MECOM: variants seen among roughly 807,000 people sequenced by gnomAD.
The protein encoded by MECOM is MDS1 and EVI1 complex locus, also known as histone-lysine N-methyltransferase MECOM.
In MECOM, 13 loss-of-function variants were observed where a neutral mutation model predicts 116.3. The ratio of observed to expected loss-of-function variants is 0.11; its 90% CI spans 0.07 to 0.18. The LOEUF (loss-of-function observed/expected upper bound fraction) is 0.18, where lower values mean the gene tolerates loss of function less well. MECOM is among the 10% of genes least tolerant of loss of function. The pLI is 1.00. For missense variants in MECOM, 1,299 were observed against 1,509.0 expected (o/e 0.86, Z 2.31); for synonymous variants, 528 against 535.2 (o/e 0.99, Z 0.19).
At chr3:169,330,574 A>G (rs1405043445) in intron 2 of MECOM, among the ~76,000 whole-genome samples, 1 of 152,188 alleles carries the variant, frequency 6.6e-6, no homozygotes, top group Non-Finnish European at 1.5e-5. Flanking sequence ...TAAACTGATG[A>G]TAGATTATAG....
At chr3:169,425,100 C>CA (rs34869416) in intron 1 of MECOM, among the ~76,000 whole-genome samples, 1 of 34,540 alleles carries the variant, frequency 2.9e-5, no homozygotes, top group Non-Finnish European at 6.1e-5. Flanking sequence ...TTTGCAGAAA[C>CA]CCCCCCCCAC....
At position 169,112,849 on chromosome 3, in the gene MECOM, G is replaced by T; in HGVS notation, c.2515C>A (p.Pro839Thr). ...TATTTCTCTTTTAAAGCTTCAAGTG[G>T]GTCAGTTAGTTTTCTTTTCTCTACT... The part of the protein sequence containing the change: ...YRVEKRKLTD[P>T]LEALKEKYLR... The change falls in exon 9 of 17, where the codon CCA becomes ACA. Residue 839 changes from proline to threonine, a missense_variant. Pro to Thr is a conservative substitution (Grantham distance 38). Coordinates refer to ENST00000651503, the MANE Select transcript of MECOM (RefSeq NM_004991.4). The T allele has an allele frequency of 6.2e-7, 1 of 1,612,460 alleles. No individual in the cohort carries two copies. The highest frequency in any genetic ancestry group is 8.5e-7 in the Non-Finnish European group (1 of 1,179,096).
rs1300544410 is a variant in MECOM, at chr3:169,133,771, T to A, written c.511-2240A>T. The A allele has an allele frequency of 1.2e-5, 5 of 414,704 alleles. No individual in the cohort carries two copies. In the East Asian group the frequency reaches 2.8e-4, roughly 24 times the overall value. 25.7% of individuals were successfully genotyped at this position (414,704 alleles called of 1,614,324 possible). ...ACAGTTCTTTTTAAAGATTACCAGA[T>A]TTAAAATAATAATAAAATAATGTGT... is the stretch of plus-strand genomic sequence containing the variant. On this transcript the variant is annotated intron_variant, in intron 3 of 16. Coordinates refer to ENST00000651503, the MANE Select transcript of MECOM (RefSeq NM_004991.4).
rs1723772441 is a variant in MECOM at position 169,102,136 on chromosome 3, T to C, written c.2695A>G (p.Met899Val). 3.7e-6 allele frequency: 6 copies of C among 1,613,808 alleles called. No homozygotes were observed. The highest frequency in any genetic ancestry group is 1.1e-5 in the South Asian group (1 of 91,080). ...TTGGGAGGCGCCCTGAAGTTGAACA[T>C]AGAGGGCACTGACTGTAAGAGCTCA... ...ASELLQSVPS[M>V]FNFRAPPNAL... The change falls in exon 11 of 17, where the codon ATG (methionine) becomes GTG (valine). Residue 899 changes from methionine (M) to valine (V), a missense_variant. By Grantham distance (21) the Met-to-Val change is conservative. This residue lies in a region of MECOM where 340 missense variants were observed against 312.6 expected (regional missense o/e 1.09). Transcript: ENST00000651503.
intron 1 of MECOM, among the ~76,000 whole-genome samples, chr3:169,515,986 T>G (rs943454370): frequency 1.3e-5 from 2 of 152,158 alleles, no homozygotes; most frequent in Non-Finnish European, 2.9e-5. Flanking sequence ...ATAATCTAAC[T>G]TCCTTCTTCC....
chr3:169,424,505 A>G (rs1578060273), intron 1 of MECOM, among the ~76,000 whole-genome samples: 1 of 152,170 alleles, frequency 6.6e-6, no homozygotes, highest in Non-Finnish European at 1.5e-5. Context: ...TCAGAGACCT[A>G]GAAGACACAA....
At position 169,131,442 on chromosome 3, in the gene MECOM, C is replaced by T. The variant is rs781230395; in HGVS notation, c.600G>A (p.Ala200=). 13 of 1,613,964 alleles carry T rather than the reference C, an allele frequency of 8.1e-6. No homozygotes were observed. The Admixed American group carries it at 8.3e-5, about 10-fold the overall frequency. Residue 200 remains alanine, a synonymous_variant, in exon 4 of 17, where the codon GCG becomes GCA. Transcript: ENST00000651503. ...AGTGGTACTAACCGTGGATATCCGG[C>T]GCCATAGTTTCATGGGGATAGTCTT... is the stretch of plus-strand genomic sequence containing the variant. The part of the protein sequence containing the change: ...KSEDYPHETM[A]PDIHEERQYR...
intron 1 of MECOM, among the ~76,000 whole-genome samples, chr3:169,460,306 A>G (rs1747223067): frequency 6.6e-6 from 1 of 152,204 alleles, no homozygotes; most frequent in South Asian, 2.1e-4. Context: ...CTATGTGAGA[A>G]TATTTTTTTT....
chr3:169,439,609 T>A lies in MECOM; in HGVS notation c.38-58085A>T, dbSNP rs561975578. Among the ~76,000 whole-genome samples, 4 of 152,206 alleles carry A rather than the reference T, an allele frequency of 2.6e-5. No individual in the cohort carries two copies. In the East Asian group the frequency reaches 7.7e-4, roughly 29 times the overall value. ...GGTAATACCAAGTGGTATAAACATG[T>A]GAAGAATGCAGAAACTCTTGCACAT... On this transcript the variant is annotated intron_variant, in intron 1 of 16. Transcript: ENST00000651503.
At chr3:169,110,263 T>C (rs1306581611) in intron 9 of MECOM, among the ~76,000 whole-genome samples, 1 of 152,150 alleles carries the variant, frequency 6.6e-6, no homozygotes, top group Admixed American at 6.5e-5. Flanking sequence ...CCTAGATACA[T>C]GGCATGGCCC....
intron 2 of MECOM, among the ~76,000 whole-genome samples, chr3:169,212,106 G>A (rs1750796784): frequency 6.6e-6 from 1 of 152,012 alleles, no homozygotes; most frequent in Non-Finnish European, 1.5e-5. Context: ...AATATACCTT[G>A]GGGCCTTGGA....
intron 2 of MECOM, among the ~76,000 whole-genome samples, chr3:169,235,569 T>G (rs75440404): frequency 0.042 from 6,320 of 152,150 alleles, 167 homozygotes; most frequent in African/African-American, 0.067. Context: ...AAAAGTAAAA[T>G]TTTTGAGGAA....
At chr3:169,244,530 T>A (rs899124943) in intron 2 of MECOM, among the ~76,000 whole-genome samples, 6 of 152,160 alleles carry the variant, frequency 3.9e-5, no homozygotes, top group Non-Finnish European at 8.8e-5. Context: ...CTTACTAAAT[T>A]TTTGAGAGAC....
At chr3:169,401,930 A>G (rs1323521740) in intron 1 of MECOM, among the ~76,000 whole-genome samples, 5 of 152,192 alleles carry the variant, frequency 3.3e-5, no homozygotes, top group Admixed American at 3.3e-4. Flanking sequence ...TATTGTCAAT[A>G]TGGAAAATGG....
At chr3:169,575,882 C>A (rs556486889) in intron 1 of MECOM, among the ~76,000 whole-genome samples, 152 of 151,254 alleles carry the variant, frequency 1.0e-3, no homozygotes, top group Middle Eastern at 3.4e-3. Flanking sequence ...AAAAAAAAAA[C>A]AAAACAAAAA....
chr3:169,378,386 C>CAGA (rs1731431640), intron 2 of MECOM, among the ~76,000 whole-genome samples: 2 of 59,260 alleles, frequency 3.4e-5, no homozygotes, highest in Admixed American at 2.0e-4. Flanking sequence ...GGAAGGAAGA[C>CAGA]AAGAAAGAAA....
intron 3 of MECOM, among the ~76,000 whole-genome samples, chr3:169,136,063 ATTAAT>A (rs1329515064): frequency 6.6e-6 from 1 of 151,752 alleles, no homozygotes; most frequent in Non-Finnish European, 1.5e-5. Flanking sequence ...AATTATTATA[ATTAAT>A]TTATTTTAAT....
In MECOM at chr3:169,112,808, T is replaced by G; in HGVS notation, c.2556A>C (p.Pro852=). 3 of 1,613,038 alleles carry G rather than the reference T, an allele frequency of 1.9e-6. No homozygotes were observed. Among genetic ancestry groups the G allele is most frequent in the Non-Finnish European group, 2.5e-6 (3 of 1,179,316 alleles). Residue 852 remains proline, a synonymous_variant, in exon 9 of 17, where the codon CCA becomes CCC. Transcript: ENST00000651503. ...TTACTTGTGGGTGAAACAAGAATCC[T>G]GGAGAAGGCCTCAAGTATTTCTCTT... ...ALKEKYLRPS[P]GFLFHPQFQL...
chr3:169,564,430 G>T (rs956562107), intron 1 of MECOM, among the ~76,000 whole-genome samples: 1 of 151,930 alleles, frequency 6.6e-6, no homozygotes. Flanking sequence ...ATGCTTATTG[G>T]GATGTAAAAT....
Sources: allele counts gnomAD v4.1 joint callset (sites outside exome capture counted in the v4.1 genomes callset), GRCh38; gene constraint gnomAD v4.1.1; regional missense constraint gnomAD v4.1.1; transcripts MANE v1.5; gene names NCBI Gene and HGNC (gene_info 2026-07-23, HGNC 2026-07-21).